THSD4: variants seen among roughly 807,000 people sequenced by gnomAD.
THSD4 encodes thrombospondin type-1 domain-containing protein 4.
A neutral mutation model predicts 119.0 loss-of-function variants in THSD4; 69 were observed. The ratio of observed to expected loss-of-function variants is 0.58; its 90% CI spans 0.48 to 0.71. The LOEUF is 0.71. Ranked by LOEUF, THSD4 falls within the 30% of genes least tolerant of loss-of-function variation. THSD4 has a pLI of 0.00. For synonymous variants in THSD4, 524 were observed against 540.4 expected, an observed-to-expected ratio of 0.97 and a Z score of 0.42; for missense variants, 1,393 against 1,391.1, an observed-to-expected ratio of 1.00 and a Z score of -0.02.
intron 2 of THSD4, among the ~76,000 whole-genome samples, chr15:71,148,001 A>G (rs908719055): frequency 6.7e-6 from 1 of 148,492 alleles, no homozygotes; most frequent in Admixed American, 6.7e-5. Flanking sequence ...AAAAAGCTGT[A>G]CTGTGATAAA....
chr15:71,460,305 G>GTTTT (rs563476190), intron 7 of THSD4, among the ~76,000 whole-genome samples: 6,384 of 122,434 alleles, frequency 0.052, 233 homozygotes, highest in Non-Finnish European at 0.088. Flanking sequence ...AAGTTGCCTG[G>GTTTT]TTTTTTTTTT....
At chr15:71,284,679 C>G (rs2044695033) in intron 6 of THSD4, among the ~76,000 whole-genome samples, 1 of 152,184 alleles carries the variant, frequency 6.6e-6, no homozygotes, top group South Asian at 2.1e-4. Flanking sequence ...GAAAAACTCT[C>G]AAACCTTTTC....
In THSD4 at chr15:71,746,861, A is replaced by G. The variant is rs2053348325; in HGVS notation, c.2060A>G (p.Glu687Gly). 1 of 1,614,062 alleles carries G rather than the reference A, an allele frequency of 6.2e-7. No individual in the cohort carries two copies. The highest frequency in any genetic ancestry group is 2.2e-5 in the East Asian group (1 of 44,880). ...PAFWDIGEWS[E>G]CSKTCGLGMQ... ...AGCTGGGACATCGGGGAGTGGTCTG[A>G]GTGCAGCAAGACCTGTGGCCTGGGC... Residue 687 changes from glutamate (E) to glycine (G), a missense_variant, in exon 13 of 18, where the codon GAG (glutamate) becomes GGG (glycine). Glu to Gly is a moderately conservative substitution (Grantham distance 98). Transcript: ENST00000261862.
At chr15:71,365,190 GAA>G (rs967743143) in intron 6 of THSD4, among the ~76,000 whole-genome samples, 3 of 116,550 alleles carry the variant, frequency 2.6e-5, no homozygotes, top group Admixed American at 9.1e-5. Flanking sequence ...AGACAGAAAA[GAA>G]GAGAGAGGGC....
At chr15:71,549,557 T>C (rs1473286751) in intron 7 of THSD4, 1 of 152,232 alleles carries the variant, frequency 6.6e-6, no homozygotes, top group Non-Finnish European at 1.5e-5. Context: ...GGCATTTATT[T>C]ATAACAGCCT....
intron 6 of THSD4, among the ~76,000 whole-genome samples, chr15:71,383,140 T>G (rs2046248445): frequency 6.6e-6 from 1 of 152,202 alleles, no homozygotes; most frequent in African/African-American, 2.4e-5. Flanking sequence ...TCTTCCTACT[T>G]TTTGAATTTC....
chr15:71,522,167 G>A (rs1021621346), intron 7 of THSD4, among the ~76,000 whole-genome samples: 2 of 152,264 alleles, frequency 1.3e-5, no homozygotes, highest in Middle Eastern at 3.4e-3. Flanking sequence ...CACCTACCTG[G>A]AAAATGGCAA....
chr15:71,471,092 C>A lies in THSD4; in HGVS notation c.1152+59269C>A, dbSNP rs189981625. ...TGCTGGTTTTGGGATAACCCCTTGG[C>A]CTTGATGCCTGTCGGTTCCTGCACA... is the stretch of plus-strand genomic sequence containing the variant. On this transcript the variant is annotated intron_variant, in intron 7 of 17. Coordinates refer to ENST00000261862, the MANE Select transcript of THSD4 (RefSeq NM_024817.3). Among the ~76,000 whole-genome samples, 3 of 152,330 alleles carry A rather than the reference C, an allele frequency of 2.0e-5. No homozygotes were observed. The East Asian group carries it at 5.8e-4, about 29-fold the overall frequency.
chr15:71,588,881 A>G (rs1186671390), intron 7 of THSD4, among the ~76,000 whole-genome samples: 1 of 152,164 alleles, frequency 6.6e-6, no homozygotes, highest in African/African-American at 2.4e-5. Flanking sequence ...AAAGACAGGA[A>G]CAAGCAATGT....
At chr15:71,453,658 G>A (rs548401472) in intron 7 of THSD4, among the ~76,000 whole-genome samples, 5 of 152,324 alleles carry the variant, frequency 3.3e-5, no homozygotes, top group African/African-American at 7.2e-5. Context: ...ATGGTTGTCC[G>A]CTGGTTGGTG....
In THSD4 at chr15:71,427,295, C is replaced by T. The variant is rs545597990; in HGVS notation, c.1152+15472C>T. Among the ~76,000 whole-genome samples the T allele has an allele frequency of 8.0e-4, 69 of 86,132 alleles. 1 individual carries two copies. The highest frequency in any genetic ancestry group is 2.3e-3 in the African/African-American group (67 of 28,894). 56.5% of individuals were successfully genotyped at this position (86,132 alleles called of 152,430 possible). On this transcript the variant is annotated intron_variant, in intron 7 of 17. Coordinates refer to ENST00000261862, the MANE Select transcript of THSD4 (RefSeq NM_024817.3). The stretch of plus-strand genomic sequence containing the variant: ...GGGATGAAACAGTGGAAAAGATGAA[C>T]ACAGTTTCTACTCAAATTGAGCTTA...
At chr15:71,339,721 A>G (rs1488104988) in intron 6 of THSD4, among the ~76,000 whole-genome samples, 1 of 152,094 alleles carries the variant, frequency 6.6e-6, no homozygotes, top group Non-Finnish European at 1.5e-5. Flanking sequence ...TGTTATGAGG[A>G]TTAAATGGTA....
Position 71,603,447 on chromosome 15 carries a change from G to C in THSD4, c.1153-57083G>C, listed in dbSNP as rs181587064. 2.6e-4 allele frequency among the ~76,000 whole-genome samples: 39 copies of C among 152,272 alleles called. No individual in the cohort carries two copies. In the East Asian group the frequency reaches 7.0e-3, roughly 27 times the overall value. On this transcript the variant is annotated intron_variant, in intron 7 of 17. Transcript: ENST00000261862. Reference sequence around the variant, plus strand: ...CAGAGGTGGGTCAGAGATTCTCCAGGGACCCTCCCCTTTATCTGCCTCCTG... The same window carrying C: ...CAGAGGTGGGTCAGAGATTCTCCAGCGACCCTCCCCTTTATCTGCCTCCTG...
intron 9 of THSD4, chr15:71,730,754 A>G (rs1377814931): frequency 5.4e-6 from 1 of 186,744 alleles, no homozygotes; most frequent in East Asian, 1.2e-4. Flanking sequence ...TAGTGTTAAA[A>G]CAGTTCTCCT....
intron 7 of THSD4, among the ~76,000 whole-genome samples, chr15:71,529,870 G>A (rs117216605): frequency 0.038 from 5,717 of 152,238 alleles, 154 homozygotes; most frequent in Middle Eastern, 0.12. Context: ...AATGCCTGAC[G>A]TAATAAATAT....
intron 6 of THSD4, among the ~76,000 whole-genome samples, chr15:71,304,937 A>G (rs1291124149): frequency 1.3e-5 from 2 of 152,240 alleles, no homozygotes; most frequent in African/African-American, 4.8e-5. Context: ...CATGTTTCCA[A>G]TAAAGACTAT....
At chr15:71,633,484 G>A (rs2050677316) in intron 7 of THSD4, among the ~76,000 whole-genome samples, 2 of 151,814 alleles carry the variant, frequency 1.3e-5, no homozygotes, top group South Asian at 4.2e-4. Flanking sequence ...CATGTTGCTT[G>A]GGCTGGTCTC....
At chr15:71,252,752 G>A (rs965212802) in intron 5 of THSD4, among the ~76,000 whole-genome samples, 1 of 152,172 alleles carries the variant, frequency 6.6e-6, no homozygotes, top group East Asian at 1.9e-4. Flanking sequence ...GTTGCCTTGG[G>A]TTCCTCATCT....
At chr15:71,143,774 T>G (rs1417065090) in intron 2 of THSD4, among the ~76,000 whole-genome samples, 1 of 143,038 alleles carries the variant, frequency 7.0e-6, no homozygotes, top group Non-Finnish European at 1.5e-5. Context: ...GGCGCAATCA[T>G]AGCTCACTGT....
Sources: allele counts gnomAD v4.1 joint callset (sites outside exome capture counted in the v4.1 genomes callset), GRCh38; gene constraint gnomAD v4.1.1; transcripts MANE v1.5; gene names NCBI Gene and HGNC (gene_info 2026-07-23, HGNC 2026-07-21).